Variants in STK3 observed in about 807,000 individuals in gnomAD.
The protein encoded by STK3 is serine/threonine kinase 3.
STK3 carries 41 observed loss-of-function variants against 58.0 expected under a neutral mutation model. That is an observed-to-expected ratio of 0.71 (90% confidence interval 0.55 to 0.92). The LOEUF is 0.92. Among genes scored for constraint, STK3 ranks in the 40% least tolerant of loss-of-function variants. The pLI, the probability that STK3 is intolerant of heterozygous loss-of-function variation, is 0.00. For missense variants in STK3, 479 were observed against 602.7 expected (o/e 0.79, Z 2.15); for synonymous variants, 170 against 191.0 (o/e 0.89, Z 0.91).
chr8:98,826,421 G>C (rs552063561), upstream of STK3, among the ~76,000 whole-genome samples: 1 of 152,254 alleles, frequency 6.6e-6, no homozygotes, highest in African/African-American at 2.4e-5. Context: ...TCTAATTACC[G>C]AGAAAATAAT....
chr8:98,592,174 T>C (rs542835081), intron 7 of STK3, among the ~76,000 whole-genome samples: 5 of 152,336 alleles, frequency 3.3e-5, no homozygotes, highest in South Asian at 4.1e-4. Flanking sequence ...TCAGACAAAA[T>C]TGAGGCATCT....
chr8:98,491,199 GAC>G (rs1432151113), intron 10 of STK3, among the ~76,000 whole-genome samples: 35 of 143,586 alleles, frequency 2.4e-4, no homozygotes, highest in Admixed American at 5.6e-4. Flanking sequence ...GAGAGAGAGA[GAC>G]AGAGAGAGAG....
At chr8:98,597,758 G>T in intron 6 of STK3, 8 of 984,590 alleles carry the variant, frequency 8.1e-6, no homozygotes, top group Non-Finnish European at 9.6e-6. Context: ...TATAAACCCG[G>T]CTATTACAGT....
intron 1 of STK3, among the ~76,000 whole-genome samples, chr8:98,825,308 AG>A (rs1163432449): frequency 1.3e-5 from 2 of 151,852 alleles, no homozygotes; most frequent in Non-Finnish European, 2.9e-5. Context: ...TGCCGGCCGC[AG>A]GGGAGGCTCC....
At position 98,539,953 on chromosome 8, in the gene STK3, C is replaced by T. The variant is rs185280759; in HGVS notation, c.1141+8016G>A. 2.4e-4 allele frequency among the ~76,000 whole-genome samples: 37 copies of T among 152,264 alleles called. No homozygotes were observed. The East Asian group carries it at 4.1e-3, about 17-fold the overall frequency. ...ATTTTTAGTAGAGACGGGGTTTCAC[C>T]GTGTTGGCCAGGCTGGTCTCGAACT... On this transcript the variant is annotated intron_variant, in intron 9 of 10. Transcript: ENST00000419617.
At chr8:98,464,540 T>TAAAAAAAAAAAAAAAA in intron 10 of STK3, among the ~76,000 whole-genome samples, 3 of 69,224 alleles carry the variant, frequency 4.3e-5, no homozygotes, top group Admixed American at 4.4e-4. Context: ...TACTTAAAGT[T>TAAAAAAAAAAAAAAAA]AAAAAAAAAA....
chr8:98,906,609 A>T (rs1838912649), intron 1 of STK3: 1 of 152,258 alleles, frequency 6.6e-6, no homozygotes, highest in Non-Finnish European at 1.5e-5. Flanking sequence ...ACAATATTTA[A>T]CTTGGTAATT....
chr8:98,705,789 T>G (rs1272065224), intron 6 of STK3, among the ~76,000 whole-genome samples: 1 of 152,192 alleles, frequency 6.6e-6, no homozygotes, highest in East Asian at 1.9e-4. Context: ...CTTATCTATA[T>G]GATTCACATA....
intron 10 of STK3, among the ~76,000 whole-genome samples, chr8:98,509,072 T>C (rs991947098): frequency 6.6e-6 from 1 of 152,050 alleles, no homozygotes; most frequent in Non-Finnish European, 1.5e-5. Flanking sequence ...TTTTTTCATC[T>C]GAAAAGTTTA....
chr8:98,348,485 C>A, the STK3 span, among the ~76,000 whole-genome samples: 1 of 152,062 alleles, frequency 6.6e-6, no homozygotes, highest in Non-Finnish European at 1.5e-5. Flanking sequence ...GAAGACAAAC[C>A]ACAGATGGGG....
intron 7 of STK3, among the ~76,000 whole-genome samples, chr8:98,594,019 A>G (rs565252114): frequency 2.6e-5 from 4 of 152,326 alleles, no homozygotes; most frequent in Admixed American, 2.6e-4. Flanking sequence ...AAATACATAT[A>G]TATTTCAGCA....
At chr8:98,644,232 T>C (rs1332653388) in intron 6 of STK3, among the ~76,000 whole-genome samples, 1 of 152,202 alleles carries the variant, frequency 6.6e-6, no homozygotes, top group Non-Finnish European at 1.5e-5. Context: ...TTTTCATTGC[T>C]CTTTAGAAGT....
At chr8:98,560,334 T>C (rs900181871) in intron 8 of STK3, among the ~76,000 whole-genome samples, 4 of 152,064 alleles carry the variant, frequency 2.6e-5, no homozygotes, top group African/African-American at 9.7e-5. Flanking sequence ...AAAAAACTCC[T>C]AGAACTAATA....
At chr8:98,404,604 C>G (rs1465151100) in intron 3 of STK3, among the ~76,000 whole-genome samples, 1 of 144,168 alleles carries the variant, frequency 6.9e-6, no homozygotes, top group Non-Finnish European at 1.5e-5. Context: ...GGCGTGAACC[C>G]GGGAGGCGGA....
chr8:98,620,925 A>ATTTTTTT (rs534225654), intron 6 of STK3, among the ~76,000 whole-genome samples: 3 of 130,254 alleles, frequency 2.3e-5, no homozygotes, highest in Non-Finnish European at 3.3e-5. Context: ...AAAACAACTG[A>ATTTTTTT]TTTTTTTTTT....
intron 6 of STK3, among the ~76,000 whole-genome samples, chr8:98,661,290 G>T (rs2130787243): frequency 6.6e-6 from 1 of 152,184 alleles, no homozygotes; most frequent in East Asian, 1.9e-4. Context: ...TGTGGTAGAT[G>T]AACTATCCCT....
At chr8:98,527,813 A>G (rs1049113992) in intron 9 of STK3, among the ~76,000 whole-genome samples, 6 of 152,246 alleles carry the variant, frequency 3.9e-5, no homozygotes, top group Admixed American at 3.9e-4. Flanking sequence ...TCTAGCCCAG[A>G]CTTTGCGCCT....
chr8:98,871,751 A>T (rs1186277495), intron 3 of STK3, among the ~76,000 whole-genome samples: 1 of 152,202 alleles, frequency 6.6e-6, no homozygotes, highest in African/African-American at 2.4e-5. Context: ...GGCTGAGATG[A>T]TGGAGTTTTC....
At chr8:98,701,009 A>C (rs1199467360) in intron 6 of STK3, among the ~76,000 whole-genome samples, 1 of 152,002 alleles carries the variant, frequency 6.6e-6, no homozygotes, top group African/African-American at 2.4e-5. Context: ...TCAAGGAAAA[A>C]AATACAAAAA....
Sources: gnomAD v4.1 joint callset for allele counts (sites outside exome capture counted in the v4.1 genomes callset) on GRCh38, gnomAD v4.1.1 for gene constraint, MANE v1.5 for transcripts, NCBI Gene and HGNC (gene_info 2026-07-23, HGNC 2026-07-21) for gene names.